The following TRERF1 variants were observed in gnomAD, a reference collection of about 807,000 sequenced individuals.
The protein encoded by TRERF1 is transcriptional regulating factor 1.
A neutral mutation model predicts 122.9 loss-of-function variants in TRERF1; 27 were observed. That is an observed-to-expected ratio of 0.22 (90% confidence interval 0.16 to 0.30). The LOEUF (loss-of-function observed/expected upper bound fraction) is 0.30, where lower values mean the gene tolerates loss of function less well. TRERF1 is among the 10% of genes least tolerant of loss of function. The pLI, the probability that TRERF1 is intolerant of heterozygous loss-of-function variation, is 1.00. For synonymous variants in TRERF1, 636 were observed against 641.7 expected (o/e 0.99, Z 0.13); for missense variants, 1,248 against 1,560.3 (o/e 0.80, Z 3.37).
At chr6:42,443,516 C>A (rs1786904841) in intron 2 of TRERF1, among the ~76,000 whole-genome samples, 1 of 152,186 alleles carries the variant, frequency 6.6e-6, no homozygotes, top group South Asian at 2.1e-4. Context: ...ATGAAGACGG[C>A]TAAGACTGTA....
intron 3 of TRERF1, among the ~76,000 whole-genome samples, chr6:42,356,987 A>G (rs187100801): frequency 1.3e-5 from 2 of 152,274 alleles, no homozygotes; most frequent in East Asian, 3.9e-4. Flanking sequence ...TCTGCCGTGG[A>G]GCAAGATATG....
At chr6:42,292,387 G>A (rs981510543) in intron 4 of TRERF1, among the ~76,000 whole-genome samples, 3 of 152,146 alleles carry the variant, frequency 2.0e-5, no homozygotes, top group African/African-American at 4.8e-5. Flanking sequence ...CAATGACCTT[G>A]CTTACTCTAA....
chr6:42,410,133 T>C (rs1381192507), intron 2 of TRERF1, among the ~76,000 whole-genome samples: 1 of 152,192 alleles, frequency 6.6e-6, no homozygotes, highest in African/African-American at 2.4e-5. Flanking sequence ...CGAGCCTTGC[T>C]TGGTGATATT....
At chr6:42,249,076 G>A (rs917077730) in intron 13 of TRERF1, among the ~76,000 whole-genome samples, 1 of 152,170 alleles carries the variant, frequency 6.6e-6, no homozygotes, top group Non-Finnish European at 1.5e-5. Context: ...CCACAATGGC[G>A]GTCTGTCATA....
intron 3 of TRERF1, among the ~76,000 whole-genome samples, chr6:42,320,058 T>G (rs1430656822): frequency 6.6e-6 from 1 of 151,884 alleles, no homozygotes; most frequent in South Asian, 2.1e-4. Context: ...CCCATCACTA[T>G]GCCCAGCTAA....
At chr6:42,318,144 ACT>A (rs1412027348) in intron 3 of TRERF1, among the ~76,000 whole-genome samples, 1 of 150,646 alleles carries the variant, frequency 6.6e-6, no homozygotes, top group Non-Finnish European at 1.5e-5. Flanking sequence ...ACAGGGCGAG[ACT>A]CTGTCTCCAA....
rs974335222 is a variant in TRERF1 at position 42,263,642 on chromosome 6, G to A, written c.1636-74C>T. The A allele has an allele frequency of 3.6e-5, 51 of 1,404,504 alleles. No individual in the cohort carries two copies. Among genetic ancestry groups the A allele is most frequent in the Non-Finnish European group, 4.5e-5 (48 of 1,074,352 alleles). The allele number at this position is 1,404,504 out of a possible 1,614,324, so 87.0% of individuals were successfully genotyped here. A position where few individuals can be genotyped will look rare whatever the true frequency, so the allele number is the denominator to read the frequency against. On this transcript the variant is annotated intron_variant, in intron 7 of 17. Coordinates refer to ENST00000372922, the Ensembl canonical transcript of TRERF1. The surrounding 1 kb of genome is among the most constrained non-coding windows in gnomAD (Gnocchi z 5.6). ...AAGGGGGATGCACTTTGCTTTTCCC[G>A]AAAGGTTCCAGGACATCAGGTATGG...
intron 3 of TRERF1, among the ~76,000 whole-genome samples, chr6:42,359,813 A>AT (rs969204215): frequency 1.3e-5 from 2 of 152,190 alleles, no homozygotes; most frequent in African/African-American, 4.8e-5. Context: ...TATTTAAGAG[A>AT]TTTTTCAACT....
At chr6:42,369,731 T>C (rs1039769191) in intron 2 of TRERF1, among the ~76,000 whole-genome samples, 3 of 152,178 alleles carry the variant, frequency 2.0e-5, no homozygotes, top group Non-Finnish European at 4.4e-5. Flanking sequence ...TCTTGTCTAT[T>C]TGCATACCTG....
chr6:42,448,001 G>A (rs1787844594), intron 2 of TRERF1, among the ~76,000 whole-genome samples: 1 of 152,162 alleles, frequency 6.6e-6, no homozygotes, highest in Non-Finnish European at 1.5e-5. Context: ...ACCGCGCCCA[G>A]CCCTAAATCC....
rs187743925 is a variant in TRERF1 at position 42,257,245 on chromosome 6, G to A, written c.2337-143C>T. On this transcript the variant is annotated intron_variant, in intron 10 of 17. Coordinates refer to ENST00000372922, the Ensembl canonical transcript of TRERF1. The stretch of plus-strand genomic sequence containing the variant: ...GCATTTCCTCACAGTGTGACCCTAA[G>A]ATTCCACACGTGGCCTTTTCACTGG... 3.2e-5 allele frequency: 32 copies of A among 1,015,192 alleles called. 1 individual carries two copies. The East Asian group carries it at 7.4e-4, about 23-fold the overall frequency. 62.9% of individuals were successfully genotyped at this position (1,015,192 alleles called of 1,614,324 possible).
chr6:42,345,525 C>T (rs1045995400), intron 3 of TRERF1, among the ~76,000 whole-genome samples: 5 of 152,114 alleles, frequency 3.3e-5, no homozygotes, highest in African/African-American at 1.2e-4. Flanking sequence ...CAGAACTCCT[C>T]CAAAAAAGGA....
intron 2 of TRERF1, among the ~76,000 whole-genome samples, chr6:42,413,951 AAAT>A (rs1781479266): frequency 6.6e-6 from 1 of 152,242 alleles, no homozygotes; most frequent in Admixed American, 6.5e-5. Context: ...ATTTTTCGTG[AAAT>A]TAATAAACCA....
intron 3 of TRERF1, among the ~76,000 whole-genome samples, chr6:42,321,572 C>T (rs1009600948): frequency 6.6e-6 from 1 of 152,190 alleles, no homozygotes; most frequent in South Asian, 2.1e-4. Context: ...CCTTCAGCGT[C>T]ATGCAAGTAA....
chr6:42,331,525 A>G (rs557364126), intron 3 of TRERF1, among the ~76,000 whole-genome samples: 15 of 152,334 alleles, frequency 9.8e-5, no homozygotes, highest in African/African-American at 3.6e-4. Context: ...CCCAAGTACC[A>G]GCCCGTTCCC....
At chr6:42,449,095 A>G (rs1275509566) in intron 2 of TRERF1, among the ~76,000 whole-genome samples, 2 of 152,268 alleles carry the variant, frequency 1.3e-5, no homozygotes, top group African/African-American at 4.8e-5. Context: ...AGTACTTTCC[A>G]CACAGTTCAT....
intron 2 of TRERF1, among the ~76,000 whole-genome samples, chr6:42,409,939 A>G (rs957149824): frequency 1.3e-5 from 2 of 152,188 alleles, no homozygotes; most frequent in African/African-American, 4.8e-5. Context: ...GATGCTTTAT[A>G]ATGCATATGT....
At chr6:42,254,117 T>C (rs1162830233) in intron 13 of TRERF1, among the ~76,000 whole-genome samples, 1 of 152,248 alleles carries the variant, frequency 6.6e-6, no homozygotes, top group Non-Finnish European at 1.5e-5. Flanking sequence ...TTAAATCTCA[T>C]AGGTGTCTTC....
chr6:42,437,926 TATTA>T (rs1215913097), intron 2 of TRERF1, among the ~76,000 whole-genome samples: 1 of 152,036 alleles, frequency 6.6e-6, no homozygotes, highest in Non-Finnish European at 1.5e-5. Context: ...TTTATTTATT[TATTA>T]TTTATTTTTG....
Sources: allele counts gnomAD v4.1 joint callset (sites outside exome capture counted in the v4.1 genomes callset), GRCh38; gene constraint gnomAD v4.1.1; non-coding constraint Gnocchi (gnomAD v3.1); transcripts MANE v1.5; gene names NCBI Gene and HGNC (gene_info 2026-07-23, HGNC 2026-07-21).